Variants in NEDD9 observed in about 807,000 individuals in gnomAD.
NEDD9 encodes enhancer of filamentation 1.
Under a neutral mutation model 76.6 loss-of-function variants are expected in NEDD9, and 26 were observed. The observed-to-expected ratio is 0.34, with a 90% CI of 0.25 to 0.47. The LOEUF is 0.47. Among genes scored for constraint, NEDD9 ranks in the 20% least tolerant of loss-of-function variants. The pLI is 1.00. For missense variants in NEDD9, 937 were observed against 1,058.5 expected, an observed-to-expected ratio of 0.89 and a Z score of 1.59; for synonymous variants, 392 against 414.2, an observed-to-expected ratio of 0.95 and a Z score of 0.65.
At chr6:11,281,337 T>C (rs1470713962) in intron 3 of NEDD9, among the ~76,000 whole-genome samples, 1 of 152,224 alleles carries the variant, frequency 6.6e-6, no homozygotes, top group Non-Finnish European at 1.5e-5. Context: ...AGGATTGTCG[T>C]AGACATGGGT....
intron 2 of NEDD9, among the ~76,000 whole-genome samples, chr6:11,212,641 CT>C (rs1179645128): frequency 6.6e-6 from 1 of 152,244 alleles, no homozygotes; most frequent in Non-Finnish European, 1.5e-5. Context: ...CCAAGCTCCA[CT>C]GTTTTCACCC....
Position 11,252,161 on chromosome 6 carries a change from A to G in NEDD9, c.13-38434T>C, listed in dbSNP as rs1407263901. 6.6e-6 allele frequency among the ~76,000 whole-genome samples: 1 copy of G among 152,112 alleles called. No homozygotes were observed. Among genetic ancestry groups the G allele is most frequent in the Non-Finnish European group, 1.5e-5 (1 of 68,034 alleles). On this transcript the variant is annotated intron_variant, in intron 3 of 3. Transcript: ENST00000397378. This position sits in a 1 kb window ranked among gnomAD's most constrained non-coding sequence, Gnocchi z 4.3. ...GTAGTGCTCTCTCAGCCAGATCTTC[A>G]TTTCATGTCTGTCCTGGGGCTCTTA...
intron 2 of NEDD9, among the ~76,000 whole-genome samples, chr6:11,323,492 G>A (rs1422983403): frequency 6.6e-6 from 1 of 152,210 alleles, no homozygotes; most frequent in African/African-American, 2.4e-5. Flanking sequence ...TTTCCCACAG[G>A]GAGCATCTAG....
chr6:11,329,650 G>C (rs187755594), intron 2 of NEDD9, among the ~76,000 whole-genome samples: 46 of 152,130 alleles, frequency 3.0e-4, no homozygotes, highest in Admixed American at 3.0e-3. Context: ...TCATAAGCAC[G>C]CTTGCAGATG....
At chr6:11,375,594 G>A (rs1582056717) in intron 1 of NEDD9, among the ~76,000 whole-genome samples, 1 of 152,122 alleles carries the variant, frequency 6.6e-6, no homozygotes, top group Non-Finnish European at 1.5e-5. Flanking sequence ...GCTTAGTGCT[G>A]TCCCTTTGAT....
intron 3 of NEDD9, among the ~76,000 whole-genome samples, chr6:11,293,195 T>TG (rs1048333822): frequency 1.4e-4 from 20 of 138,068 alleles, no homozygotes; most frequent in African/African-American, 5.5e-4. Flanking sequence ...TCTAAGTCTA[T>TG]GTTTTTTTTT....
chr6:11,282,908 T>A (rs1378176217), intron 3 of NEDD9, among the ~76,000 whole-genome samples: 1 of 152,236 alleles, frequency 6.6e-6, no homozygotes, highest in Non-Finnish European at 1.5e-5. Flanking sequence ...TGGTTTCATA[T>A]CTCGCTTGGA....
At chr6:11,364,577 C>A (rs1194041024) in intron 1 of NEDD9, among the ~76,000 whole-genome samples, 1 of 152,164 alleles carries the variant, frequency 6.6e-6, no homozygotes, top group Non-Finnish European at 1.5e-5. Context: ...TGAACCCAGG[C>A]AAGCTGACTC....
chr6:11,329,867 G>A (rs376980266), intron 2 of NEDD9, among the ~76,000 whole-genome samples: 13 of 152,166 alleles, frequency 8.5e-5, no homozygotes, highest in Admixed American at 6.5e-5. Flanking sequence ...GAAGAATCCA[G>A]TCCAAGATGG....
chr6:11,244,794 C>T (rs1759777153), intron 3 of NEDD9, among the ~76,000 whole-genome samples: 1 of 152,078 alleles, frequency 6.6e-6, no homozygotes, highest in Non-Finnish European at 1.5e-5. Flanking sequence ...AGAATGAGTC[C>T]ATGTGCAAAA....
At chr6:11,330,432 G>T (rs1409284791) in intron 2 of NEDD9, among the ~76,000 whole-genome samples, 1 of 152,202 alleles carries the variant, frequency 6.6e-6, no homozygotes, top group Non-Finnish European at 1.5e-5. Context: ...ACAGGACCCC[G>T]TGAGAATGAC....
intron 1 of NEDD9, among the ~76,000 whole-genome samples, chr6:11,222,733 T>C (rs992922672): frequency 3.9e-5 from 6 of 152,250 alleles, no homozygotes; most frequent in Non-Finnish European, 7.3e-5. Flanking sequence ...TTGACTTGAA[T>C]GAAACTCTGC....
At chr6:11,300,259 T>C (rs938319988) in intron 3 of NEDD9, among the ~76,000 whole-genome samples, 2 of 152,036 alleles carry the variant, frequency 1.3e-5, no homozygotes, top group Non-Finnish European at 2.9e-5. Context: ...AGAAAGGATA[T>C]CAGTGATTGA....
At chr6:11,206,891 T>C (rs1439474719) in intron 2 of NEDD9, among the ~76,000 whole-genome samples, 1 of 152,246 alleles carries the variant, frequency 6.6e-6, no homozygotes. Context: ...AATATTAAAA[T>C]GTATCTTGAA....
chr6:11,217,809 A>C (rs1224753176), intron 1 of NEDD9, among the ~76,000 whole-genome samples: 1 of 152,206 alleles, frequency 6.6e-6, no homozygotes, highest in Non-Finnish European at 1.5e-5. Flanking sequence ...GCAAATCAGC[A>C]TTTAGGATCA....
intron 1 of NEDD9, among the ~76,000 whole-genome samples, chr6:11,358,657 G>C (rs1056676139): frequency 6.6e-6 from 1 of 152,124 alleles, no homozygotes; most frequent in Admixed American, 6.6e-5. Flanking sequence ...GTGGTTGGAG[G>C]AAGGAAGAAA....
chr6:11,254,410 T>C (rs1156583437), intron 3 of NEDD9, among the ~76,000 whole-genome samples: 1 of 152,230 alleles, frequency 6.6e-6, no homozygotes, highest in African/African-American at 2.4e-5. Context: ...CAAGCCTGGC[T>C]GTTTTTCTGA....
chr6:11,302,081 T>C (rs1035183619), intron 3 of NEDD9, among the ~76,000 whole-genome samples: 1 of 151,956 alleles, frequency 6.6e-6, no homozygotes, highest in Non-Finnish European at 1.5e-5. Flanking sequence ...CCAGGAGCTG[T>C]TTTTTTAAAA....
chr6:11,306,196 GA>G (rs1268427954), intron 2 of NEDD9: 4 of 654,936 alleles, frequency 6.1e-6, no homozygotes, highest in Non-Finnish European at 1.1e-5. Context: ...GGTAAGATCT[GA>G]AAAAAATTGA....
Sources: gnomAD v4.1 joint callset for allele counts (sites outside exome capture counted in the v4.1 genomes callset) on GRCh38, gnomAD v4.1.1 for gene constraint, Gnocchi (gnomAD v3.1) non-coding constraint, MANE v1.5 for transcripts, NCBI Gene and HGNC (gene_info 2026-07-23, HGNC 2026-07-21) for gene names.